CLIP1: variants seen among roughly 807,000 people sequenced by gnomAD.
CLIP1 encodes the protein CAP-Gly domain containing linker protein 1.
Under a neutral mutation model 161.6 loss-of-function variants are expected in CLIP1, and 66 were observed. The ratio of observed to expected loss-of-function variants is 0.41; its 90% CI spans 0.33 to 0.50. The LOEUF (loss-of-function observed/expected upper bound fraction) is 0.50. Among genes scored for constraint, CLIP1 ranks in the 20% least tolerant of loss-of-function variants. CLIP1 has a pLI of 0.27. For missense variants in CLIP1, 1,376 were observed against 1,702.0 expected, an observed-to-expected ratio of 0.81 and a Z score of 3.37; for synonymous variants, 598 against 626.2, an observed-to-expected ratio of 0.96 and a Z score of 0.67.
chr12:122,335,921 C>T (rs753535964), intron 12 of CLIP1, among the ~76,000 whole-genome samples: 1 of 152,156 alleles, frequency 6.6e-6, no homozygotes, highest in Non-Finnish European at 1.5e-5. Context: ...CTGCGTGGCA[C>T]ATATACCTCG....
intron 4 of CLIP1, among the ~76,000 whole-genome samples, chr12:122,363,561 C>T (rs983056157): frequency 2.6e-5 from 4 of 151,904 alleles, no homozygotes; most frequent in Admixed American, 6.6e-5. Context: ...GGTCTGTTCT[C>T]CTGCCGCAGG....
intron 6 of CLIP1, 34 bp from the exon 7 acceptor site, chr12:122,354,590 T>C (rs192387314): frequency 1.9e-6 from 3 of 1,552,042 alleles, no homozygotes; most frequent in East Asian, 4.5e-5. Context: ...AAATGGACTA[T>C]TTCTGACCCA....
chr12:122,399,098 CTAT>C (rs1956049895), intron 1 of CLIP1, among the ~76,000 whole-genome samples: 1 of 152,134 alleles, frequency 6.6e-6, no homozygotes, highest in African/African-American at 2.4e-5. Context: ...ATGTTTACTC[CTAT>C]TTTTTAAATG....
intron 10 of CLIP1, chr12:122,342,882 T>A (rs1342174683): frequency 6.6e-6 from 1 of 151,180 alleles, no homozygotes; most frequent in Non-Finnish European, 1.5e-5. Flanking sequence ...AATATCTTAA[T>A]AATTTTATTT....
chr12:122,296,838 T>A (rs1361182773), intron 20 of CLIP1, among the ~76,000 whole-genome samples: 1 of 125,814 alleles, frequency 7.9e-6, no homozygotes, highest in Non-Finnish European at 1.6e-5. Flanking sequence ...CACGCTAGCC[T>A]GGGTGACAAA....
At chr12:122,282,765 C>A (rs1955697424) in intron 21 of CLIP1, among the ~76,000 whole-genome samples, 2 of 151,846 alleles carry the variant, frequency 1.3e-5, no homozygotes, top group Admixed American at 1.3e-4. Context: ...ATATATACAA[C>A]AATTTGGTTT....
chr12:122,330,598 T>TTTTTTTTTTTTTG (rs1951905416), intron 15 of CLIP1, among the ~76,000 whole-genome samples: 2 of 14,082 alleles, frequency 1.4e-4, no homozygotes, highest in African/African-American at 3.9e-4. Context: ...TATAATGCAG[T>TTTTTTTTTTTTTG]TTTTTTTTTT....
intron 21 of CLIP1, among the ~76,000 whole-genome samples, chr12:122,285,183 T>C (rs985927333): frequency 2.0e-5 from 3 of 152,010 alleles, no homozygotes; most frequent in Admixed American, 6.6e-5. Context: ...ATTAGATCAA[T>C]TTGTGAATTA....
In CLIP1 at chr12:122,347,461, G is replaced by A. The variant is rs1952804601; in HGVS notation, c.1420C>T (p.His474Tyr). The A allele has an allele frequency of 6.2e-7, 1 of 1,613,410 alleles. No homozygotes were observed. The highest frequency in any genetic ancestry group is 8.5e-7 in the Non-Finnish European group (1 of 1,179,488). ...DPENTQTKLE[H>Y]ARIKELEQSL... ...TGTTCAAGCTCCTTAATGCGGGCAT[G>A]CTCCAGTTTGGTCTGCGTCTGTTAG... Residue 474 changes from histidine to tyrosine, a missense_variant, in exon 10 of 26, where the codon CAT becomes TAT. His to Tyr is a moderately conservative substitution (Grantham distance 83). Coordinates refer to ENST00000620786, the MANE Select transcript of CLIP1 (RefSeq NM_001247997.2).
chr12:122,360,751 T>C (rs541205587), intron 5 of CLIP1: 2 of 525,064 alleles, frequency 3.8e-6, no homozygotes, highest in South Asian at 3.0e-5. Flanking sequence ...TGAAAGGGAC[T>C]ATTAAAAGCA....
chr12:122,271,710 T>A lies in CLIP1; in HGVS notation c.*1165A>T, dbSNP rs1010950566. On this transcript the variant is annotated 3_prime_UTR_variant, in exon 26 of 26. Transcript: ENST00000620786. ...TTACATATTCTAGAAGACATTCAAA[T>A]GAAGATAAATAGATTCAAACTGGTC... 4.6e-5 allele frequency: 7 copies of A among 152,646 alleles called. No individual in the cohort carries two copies. 9.5% of individuals were successfully genotyped at this position (152,646 alleles called of 1,614,324 possible). A position where few individuals can be genotyped will look rare whatever the true frequency, so the allele number is the denominator to read the frequency against.
chr12:122,285,975 C>T (rs1955836157), intron 21 of CLIP1, among the ~76,000 whole-genome samples: 1 of 151,684 alleles, frequency 6.6e-6, no homozygotes, highest in Admixed American at 6.6e-5. Context: ...AACTAGGCAT[C>T]ACTTTTCAAG....
At chr12:122,299,151 G>A (rs1375569442) in intron 20 of CLIP1, among the ~76,000 whole-genome samples, 1 of 152,106 alleles carries the variant, frequency 6.6e-6, no homozygotes, top group Non-Finnish European at 1.5e-5. Context: ...CAGCCGAAGT[G>A]CATCTTCTGT....
chr12:122,315,077 A>C (rs1951208760), intron 19 of CLIP1, among the ~76,000 whole-genome samples: 1 of 152,238 alleles, frequency 6.6e-6, no homozygotes, highest in Admixed American at 6.5e-5. Context: ...GGAGCAGCTC[A>C]GATCACTCCC....
At chr12:122,421,566 C>G (rs551803248) in intron 1 of CLIP1, among the ~76,000 whole-genome samples, 4 of 152,214 alleles carry the variant, frequency 2.6e-5, no homozygotes, top group Middle Eastern at 3.4e-3. Context: ...TCTTCTCCAC[C>G]CTTTGTTTTA....
chr12:122,382,220 G>A (rs943593621), intron 1 of CLIP1, among the ~76,000 whole-genome samples: 3 of 152,090 alleles, frequency 2.0e-5, no homozygotes, highest in Non-Finnish European at 4.4e-5. Flanking sequence ...AATTAGCCGG[G>A]CATGGTGGTG....
At chr12:122,407,475 G>A (rs958762583) in intron 1 of CLIP1, among the ~76,000 whole-genome samples, 1 of 152,014 alleles carries the variant, frequency 6.6e-6, no homozygotes, top group Non-Finnish European at 1.5e-5. Flanking sequence ...TTGGGAGGCT[G>A]AGGCAGGAAG....
At chr12:122,273,160 C>G in intron 25 of CLIP1, 60 bp from the exon 26 acceptor site, 1 of 1,452,310 alleles carries the variant, frequency 6.9e-7, no homozygotes, top group Non-Finnish European at 9.5e-7. Flanking sequence ...GAGACAAGAA[C>G]ACTTGCAAAA....
chr12:122,412,813 T>C (rs1016331164), intron 1 of CLIP1, among the ~76,000 whole-genome samples: 1 of 152,116 alleles, frequency 6.6e-6, no homozygotes, highest in African/African-American at 2.4e-5. Context: ...GAGAACATTA[T>C]GTTACTAAAA....
Sources: gnomAD v4.1 joint callset for allele counts (sites outside exome capture counted in the v4.1 genomes callset) on GRCh38, gnomAD v4.1.1 for gene constraint, MANE v1.5 for transcripts, NCBI Gene and HGNC (gene_info 2026-07-23, HGNC 2026-07-21) for gene names.